Variants in SIL1 observed in about 807,000 individuals in gnomAD.
SIL1 encodes SIL1 nucleotide exchange factor, also known as nucleotide exchange factor SIL1.
Under a neutral mutation model 49.1 loss-of-function variants are expected in SIL1, and 40 were observed. That is an observed-to-expected ratio of 0.81 (90% CI 0.63 to 1.06). The LOEUF (loss-of-function observed/expected upper bound fraction) is 1.06, where lower values mean the gene tolerates loss of function less well. SIL1 is among the 50% of genes least tolerant of loss of function. The probability of loss-of-function intolerance (pLI) is 0.00; values close to 1 mark genes in which losing one functional copy is unlikely to be tolerated. For synonymous variants in SIL1, 253 were observed against 250.8 expected (o/e 1.01, Z -0.08); for missense variants, 500 against 572.6 (o/e 0.87, Z 1.29).
At chr5:139,060,124 T>C (rs965585549) in intron 3 of SIL1, among the ~76,000 whole-genome samples, 2 of 152,232 alleles carry the variant, frequency 1.3e-5, no homozygotes, top group Admixed American at 6.5e-5. Flanking sequence ...TTGTTAGTAT[T>C]TGTATTCCAT....
At chr5:139,173,814 C>T (rs1751825275) in intron 1 of SIL1, among the ~76,000 whole-genome samples, 1 of 131,652 alleles carries the variant, frequency 7.6e-6, no homozygotes, top group Non-Finnish European at 1.7e-5. Context: ...AAAAAATTAG[C>T]CGGGCGTGGT....
intron 3 of SIL1, among the ~76,000 whole-genome samples, chr5:139,084,073 G>T (rs1432877490): frequency 1.4e-5 from 2 of 147,558 alleles, no homozygotes; most frequent in African/African-American, 5.0e-5. Flanking sequence ...ATGCTGTTTT[G>T]GTTACTGTAG....
rs554177893 is a variant in SIL1, at chr5:138,947,576, A to G, written c.1030-103T>C. On this transcript the variant is annotated intron_variant, in intron 9 of 9. Coordinates refer to ENST00000394817, the MANE Select transcript of SIL1 (RefSeq NM_022464.5). This position sits in a 1 kb window ranked among gnomAD's most constrained non-coding sequence, Gnocchi z 4.1. Reference sequence around the variant, plus strand: ...GGCTAGCTCTGCCCTTCAGACAGGAAGGCACGAGGCTGACCCCTGAGGGCC... The same window carrying G: ...GGCTAGCTCTGCCCTTCAGACAGGAGGGCACGAGGCTGACCCCTGAGGGCC... The G allele has an allele frequency of 1.0e-6, 1 of 1,000,054 alleles. No homozygotes were observed. Among genetic ancestry groups the G allele is most frequent in the East Asian group, 2.4e-5 (1 of 41,898 alleles). The allele number at this position is 1,000,054 out of a possible 1,614,324, so 61.9% of individuals were successfully genotyped here. A position where few individuals can be genotyped will look rare whatever the true frequency, so the allele number is the denominator to read the frequency against.
At chr5:139,156,032 C>T (rs1377414038) in intron 1 of SIL1, among the ~76,000 whole-genome samples, 1 of 152,090 alleles carries the variant, frequency 6.6e-6, no homozygotes, top group Non-Finnish European at 1.5e-5. Flanking sequence ...GGGGTTTCTC[C>T]ATGTTGGCCA....
intron 1 of SIL1, among the ~76,000 whole-genome samples, chr5:139,144,522 G>A (rs1751154537): frequency 6.6e-6 from 1 of 152,144 alleles, no homozygotes; most frequent in South Asian, 2.1e-4. Context: ...ATAGTCAACT[G>A]ATTTTTACAA....
At chr5:139,057,307 T>A (rs1373151945) in intron 3 of SIL1, among the ~76,000 whole-genome samples, 2 of 57,128 alleles carry the variant, frequency 3.5e-5, no homozygotes, top group Admixed American at 1.5e-4. Context: ...CACCCAAGAA[T>A]GATCAATAAA....
At chr5:139,056,759 C>T (rs1414870401) in intron 3 of SIL1, among the ~76,000 whole-genome samples, 13 of 152,056 alleles carry the variant, frequency 8.5e-5, no homozygotes, top group African/African-American at 2.4e-4. Flanking sequence ...TCTGCCTGCC[C>T]GCCCCTACTG....
intron 3 of SIL1, among the ~76,000 whole-genome samples, chr5:139,094,622 CAG>C (rs753538884): frequency 2.0e-5 from 3 of 152,184 alleles, no homozygotes; most frequent in Non-Finnish European, 4.4e-5. Flanking sequence ...AGTGATAATA[CAG>C]AGAGTTCCTA....
At chr5:138,949,829 GA>G (rs1766725085) in intron 9 of SIL1, among the ~76,000 whole-genome samples, 1 of 148,754 alleles carries the variant, frequency 6.7e-6, no homozygotes, top group Non-Finnish European at 1.5e-5. Context: ...AAAAAGAAAA[GA>G]AAAGAAAAAA....
chr5:138,984,509 C>T (rs1262917955), intron 7 of SIL1, among the ~76,000 whole-genome samples: 2 of 152,088 alleles, frequency 1.3e-5, no homozygotes, highest in African/African-American at 4.8e-5. Context: ...CAGGCATGTG[C>T]CACCATGCCT....
chr5:139,155,933 A>G (rs1293040626), intron 1 of SIL1, among the ~76,000 whole-genome samples: 5 of 151,952 alleles, frequency 3.3e-5, no homozygotes, highest in Non-Finnish European at 1.5e-5. Context: ...CCCAGGTTCA[A>G]GCGATTTTCC....
intron 3 of SIL1, among the ~76,000 whole-genome samples, chr5:139,081,597 G>T (rs1467529317): frequency 6.6e-6 from 1 of 152,212 alleles, no homozygotes; most frequent in Non-Finnish European, 1.5e-5. Flanking sequence ...AACCACAGAA[G>T]ACCAGGCACG....
At chr5:139,161,200 G>A (rs1018715366) in intron 1 of SIL1, among the ~76,000 whole-genome samples, 2 of 152,258 alleles carry the variant, frequency 1.3e-5, no homozygotes, top group African/African-American at 4.8e-5. Flanking sequence ...CTGAGATCGC[G>A]CCATTGCACT....
intron 3 of SIL1, among the ~76,000 whole-genome samples, chr5:139,084,216 G>T (rs1438322504): frequency 6.6e-6 from 1 of 151,526 alleles, no homozygotes; most frequent in African/African-American, 2.4e-5. Context: ...CATTGTGGAA[G>T]TCAGTGTGGC....
At chr5:138,980,497 A>T (rs1767491452) in intron 7 of SIL1, among the ~76,000 whole-genome samples, 5 of 152,182 alleles carry the variant, frequency 3.3e-5, no homozygotes, top group Admixed American at 3.3e-4. Flanking sequence ...GAAACTCATC[A>T]GTTGCAGCAT....
chr5:138,971,730 A>G (rs762335885), intron 7 of SIL1, among the ~76,000 whole-genome samples: 2 of 152,218 alleles, frequency 1.3e-5, no homozygotes, highest in Non-Finnish European at 2.9e-5. Flanking sequence ...AACTCAGCAT[A>G]ATAGCTGCAA....
In SIL1 at chr5:138,946,940, C is replaced by T. The variant is rs188026285; in HGVS notation, c.*177G>A. ...TCACCCAACCACTCACCTGACCCCC[C>T]GGCCACAGGGCTGTGCCCAGTCTAC... On this transcript the variant is annotated 3_prime_UTR_variant, in exon 10 of 10. Coordinates refer to ENST00000394817, the MANE Select transcript of SIL1 (RefSeq NM_022464.5). The T allele has an allele frequency of 5.6e-5, 36 of 645,672 alleles. 1 individual carries two copies. Among genetic ancestry groups the T allele is most frequent in the South Asian group, 2.5e-4 (14 of 56,634 alleles). 40.0% of individuals were successfully genotyped at this position (645,672 alleles called of 1,614,324 possible).
At chr5:139,068,529 G>A (rs1769756029) in intron 3 of SIL1, among the ~76,000 whole-genome samples, 1 of 151,854 alleles carries the variant, frequency 6.6e-6, no homozygotes, top group Non-Finnish European at 1.5e-5. Flanking sequence ...AGGAAACAGA[G>A]TCCAGATAAA....
rs527838485 is a variant in SIL1 at position 139,001,030 on chromosome 5, C to CA, written c.767+20140dup. Among the ~76,000 whole-genome samples the CA allele has an allele frequency of 3.3e-3, 503 of 151,918 alleles. 1 individual carries two copies. Among genetic ancestry groups the CA allele is most frequent in the African/African-American group, 0.011 (457 of 41,464 alleles). ...ACACAAAAACCTACATAATCCAAAC[C>CA]AAAAAATCTCAGAGCAATCTGTATA... On this transcript the variant is annotated intron_variant, in intron 7 of 9. Coordinates refer to ENST00000394817, the MANE Select transcript of SIL1 (RefSeq NM_022464.5).
Sources: gnomAD v4.1 joint callset for allele counts (sites outside exome capture counted in the v4.1 genomes callset) on GRCh38, gnomAD v4.1.1 for gene constraint, Gnocchi (gnomAD v3.1) non-coding constraint, MANE v1.5 for transcripts, NCBI Gene and HGNC (gene_info 2026-07-23, HGNC 2026-07-21) for gene names.